BLTP3A: variants seen among roughly 807,000 people sequenced by gnomAD.
BLTP3A encodes ICBP90 binding protein 1.
At chr6:34,854,822 C>T in the BLTP3A span, among the ~76,000 whole-genome samples, 1 of 152,150 alleles carries the variant, frequency 6.6e-6, no homozygotes, top group African/African-American at 2.4e-5. Flanking sequence ...TTTTGAGCAT[C>T]TACTACTTAC....
At chr6:34,807,849 GGC>G in the BLTP3A span, among the ~76,000 whole-genome samples, 3 of 152,136 alleles carry the variant, frequency 2.0e-5, no homozygotes, top group Non-Finnish European at 4.4e-5. Context: ...AGATCAGCCT[GGC>G]CAACATGTTG....
chr6:34,806,724 C>T, the BLTP3A span, among the ~76,000 whole-genome samples: 1 of 152,152 alleles, frequency 6.6e-6, no homozygotes, highest in Admixed American at 6.5e-5. Context: ...TGCAGTGGCG[C>T]AATCTTAGCT....
At chr6:34,873,376 A>G in the BLTP3A span, 9 of 152,126 alleles carry the variant, frequency 5.9e-5, no homozygotes, top group African/African-American at 2.2e-4. Flanking sequence ...TGACCTTACC[A>G]GTTCTCTCCT....
At chr6:34,823,305 C>T in the BLTP3A span, 5 of 1,613,866 alleles carry the variant, frequency 3.1e-6, no homozygotes, top group Non-Finnish European at 4.2e-6. Flanking sequence ...GGATCCTCGG[C>T]CCCCCAATGG....
the BLTP3A span, among the ~76,000 whole-genome samples, chr6:34,814,348 T>C: frequency 1.3e-5 from 2 of 152,232 alleles, no homozygotes; most frequent in African/African-American, 4.8e-5. Flanking sequence ...TTCTTTGTTA[T>C]TGCTCTAAAA....
At chr6:34,807,859 T>C in the BLTP3A span, among the ~76,000 whole-genome samples, 2 of 147,358 alleles carry the variant, frequency 1.4e-5, no homozygotes, top group Admixed American at 6.7e-5. Context: ...GGCCAACATG[T>C]TGAAACCCCA....
chr6:34,809,565 G>A, the BLTP3A span, among the ~76,000 whole-genome samples: 6 of 151,908 alleles, frequency 3.9e-5, no homozygotes, highest in African/African-American at 9.7e-5. Flanking sequence ...TTTTTTGTTC[G>A]TTTGTTTGTT....
the BLTP3A span, chr6:34,871,589 T>C: frequency 1.2e-6 from 2 of 1,612,652 alleles, no homozygotes; most frequent in South Asian, 2.2e-5. Flanking sequence ...TGCAGGATGA[T>C]ATCCCCCCCA....
the BLTP3A span, among the ~76,000 whole-genome samples, chr6:34,814,801 C>G: frequency 6.6e-6 from 1 of 152,110 alleles, no homozygotes; most frequent in Non-Finnish European, 1.5e-5. Flanking sequence ...TTAACTTTAA[C>G]AAAAAAGTTT....
At chr6:34,857,709 C>T in the BLTP3A span, 2 of 1,607,778 alleles carry the variant, frequency 1.2e-6, no homozygotes, top group South Asian at 1.1e-5. Context: ...TTCTTTTCTT[C>T]CCTCTGCTTT....
chr6:34,856,670 A>T, the BLTP3A span: 2 of 1,322,452 alleles, frequency 1.5e-6, no homozygotes, highest in Admixed American at 2.4e-5. Context: ...GGAGCTAGAC[A>T]GTGTTAAGCT....
the BLTP3A span, among the ~76,000 whole-genome samples, chr6:34,796,155 A>G: frequency 6.6e-6 from 1 of 152,192 alleles, no homozygotes; most frequent in East Asian, 1.9e-4. Context: ...GTGTTTGATA[A>G]TTACTTGTTG....
chr6:34,833,920 CAAAAAAAAAAAAA>C, the BLTP3A span, among the ~76,000 whole-genome samples: 21 of 45,082 alleles, frequency 4.7e-4, no homozygotes, highest in African/African-American at 1.5e-3. Flanking sequence ...GACTCCGTCT[CAAAAAAAAAAAAA>C]AAAAAAAAAA....
the BLTP3A span, chr6:34,856,903 C>G: frequency 6.2e-7 from 1 of 1,613,952 alleles, no homozygotes; most frequent in African/African-American, 1.3e-5. Context: ...CATGGTGGTA[C>G]GGGTGGATGA....
chr6:34,844,325 G>A, the BLTP3A span, among the ~76,000 whole-genome samples: 1 of 152,018 alleles, frequency 6.6e-6, no homozygotes, highest in Non-Finnish European at 1.5e-5. Context: ...GCCCAGGCTG[G>A]AGTCAGTGGC....
At chr6:34,847,921 C>CTTTCTTTTTTT in the BLTP3A span, among the ~76,000 whole-genome samples, 3,039 of 90,782 alleles carry the variant, frequency 0.033, 625 homozygotes, top group African/African-American at 0.1. Context: ...TCTTTTTTTC[C>CTTTCTTTTTTT]TTTTTTTTTT....
the BLTP3A span, among the ~76,000 whole-genome samples, chr6:34,852,058 C>T: frequency 6.6e-6 from 1 of 151,312 alleles, no homozygotes; most frequent in Non-Finnish European, 1.5e-5. Context: ...CCAGAGATGT[C>T]GTCTAGGAGC....
chr6:34,826,935 T>C, the BLTP3A span, among the ~76,000 whole-genome samples: 19 of 152,286 alleles, frequency 1.2e-4, no homozygotes, highest in East Asian at 3.7e-3. Flanking sequence ...TTAGAGACTA[T>C]TGTCTGCAAA....
At chr6:34,853,392 T>C in the BLTP3A span, among the ~76,000 whole-genome samples, 4 of 152,000 alleles carry the variant, frequency 2.6e-5, no homozygotes, top group African/African-American at 9.7e-5. Context: ...GGGAGTGTTT[T>C]TGCCCTGTTG....
Sources: gnomAD v4.1 joint callset for allele counts (sites outside exome capture counted in the v4.1 genomes callset) on GRCh38, gnomAD v4.1.1 for gene constraint, MANE v1.5 for transcripts, NCBI Gene and HGNC (gene_info 2026-07-23, HGNC 2026-07-21) for gene names.